Variants in AHCYL2 observed in about 807,000 individuals in gnomAD.
AHCYL2 encodes the protein S-adenosylhomocysteine hydrolase-like protein 2.
In AHCYL2, 28 loss-of-function variants were observed where a neutral mutation model predicts 81.4. The observed-to-expected ratio is 0.34, with a 90% CI of 0.25 to 0.47. The LOEUF (loss-of-function observed/expected upper bound fraction) is 0.47. Ranked by LOEUF, AHCYL2 falls within the 20% of genes least tolerant of loss-of-function variation. The pLI is 1.00. For synonymous variants in AHCYL2, 272 were observed against 290.2 expected (o/e 0.94, Z 0.64); for missense variants, 551 against 785.1 (o/e 0.70, Z 3.56).
At chr7:129,271,195 AC>A in intron 1 of AHCYL2, among the ~76,000 whole-genome samples, 1 of 151,912 alleles carries the variant, frequency 6.6e-6, no homozygotes, top group Middle Eastern at 3.4e-3. Context: ...TCCCGTTTCT[AC>A]TAAAAATACA....
At chr7:129,349,197 A>T (rs1299124568) in intron 1 of AHCYL2, among the ~76,000 whole-genome samples, 1 of 152,180 alleles carries the variant, frequency 6.6e-6, no homozygotes, top group Non-Finnish European at 1.5e-5. Context: ...TTTTGATTCT[A>T]TCTAGGTTTA....
intron 1 of AHCYL2, among the ~76,000 whole-genome samples, chr7:129,289,805 C>T (rs751223909): frequency 6.1e-5 from 9 of 148,704 alleles, no homozygotes; most frequent in South Asian, 2.1e-4. Flanking sequence ...TTTTTTGAGA[C>T]GGAGTCTTGC....
At chr7:129,298,952 A>G (rs1455501199) in intron 1 of AHCYL2, among the ~76,000 whole-genome samples, 1 of 152,158 alleles carries the variant, frequency 6.6e-6, no homozygotes, top group Non-Finnish European at 1.5e-5. Flanking sequence ...TTTGCAGGCT[A>G]TATGTTTTTT....
chr7:129,345,507 A>G (rs1793331166), intron 1 of AHCYL2, among the ~76,000 whole-genome samples: 1 of 152,166 alleles, frequency 6.6e-6, no homozygotes, highest in Non-Finnish European at 1.5e-5. Flanking sequence ...GGGCCCAAAC[A>G]TGGAATTAAT....
At chr7:129,403,243 G>T in intron 6 of AHCYL2, 136 bp from the exon 7 acceptor site, 1 of 506,110 alleles carries the variant, frequency 2.0e-6, no homozygotes, top group East Asian at 3.6e-5. Flanking sequence ...CTGGCTTTAA[G>T]TTACTTTGCA....
At chr7:129,258,384 A>G (rs1315815016) in intron 1 of AHCYL2, among the ~76,000 whole-genome samples, 1 of 149,506 alleles carries the variant, frequency 6.7e-6, no homozygotes, top group Non-Finnish European at 1.5e-5. Context: ...GGACTACATG[A>G]TATCCTTCTT....
At chr7:129,348,041 A>C (rs1036944366) in intron 1 of AHCYL2, among the ~76,000 whole-genome samples, 1 of 152,368 alleles carries the variant, frequency 6.6e-6, no homozygotes, top group South Asian at 2.1e-4. Context: ...TTAAAGATAC[A>C]TCTGGAAATT....
At chr7:129,246,891 AG>A (rs1795081701) in intron 1 of AHCYL2, among the ~76,000 whole-genome samples, 1 of 152,178 alleles carries the variant, frequency 6.6e-6, no homozygotes, top group Non-Finnish European at 1.5e-5. Flanking sequence ...TTCATGTAGT[AG>A]GTTCATTCAG....
At chr7:129,376,876 T>C (rs1794712560) in intron 1 of AHCYL2, among the ~76,000 whole-genome samples, 1 of 152,218 alleles carries the variant, frequency 6.6e-6, no homozygotes, top group African/African-American at 2.4e-5. Flanking sequence ...TTGAACAAGG[T>C]TGGTGAAACG....
intron 1 of AHCYL2, among the ~76,000 whole-genome samples, chr7:129,271,020 A>G (rs1408730833): frequency 6.6e-6 from 1 of 152,168 alleles, no homozygotes; most frequent in Non-Finnish European, 1.5e-5. Context: ...CTATAGGGAT[A>G]TCCTCAATCT....
intron 1 of AHCYL2, among the ~76,000 whole-genome samples, chr7:129,265,580 C>T (rs927961014): frequency 7.9e-5 from 12 of 151,992 alleles, no homozygotes; most frequent in Non-Finnish European, 1.3e-4. Flanking sequence ...CAAGGAGGCA[C>T]GTGCAGCTGG....
At chr7:129,362,597 GTTTTTTTTT>G (rs769346623) in intron 1 of AHCYL2, among the ~76,000 whole-genome samples, 1 of 63,630 alleles carries the variant, frequency 1.6e-5, no homozygotes, top group Non-Finnish European at 3.1e-5. Context: ...TGGTTTTCTT[GTTTTTTTTT>G]TTTTTTTTTT....
intron 1 of AHCYL2, among the ~76,000 whole-genome samples, chr7:129,301,743 A>G (rs976329015): frequency 1.3e-5 from 2 of 152,188 alleles, no homozygotes; most frequent in African/African-American, 4.8e-5. Flanking sequence ...TGCCAGTACC[A>G]TGCTGTTTTG....
At chr7:129,404,615 C>T (rs895799238) in intron 7 of AHCYL2, among the ~76,000 whole-genome samples, 1 of 152,182 alleles carries the variant, frequency 6.6e-6, no homozygotes, top group Non-Finnish European at 1.5e-5. Context: ...GCAGAGGTTG[C>T]AGTAAGCTGA....
chr7:129,234,256 T>TA (rs1794556118), intron 1 of AHCYL2, among the ~76,000 whole-genome samples: 1 of 152,060 alleles, frequency 6.6e-6, no homozygotes, highest in Non-Finnish European at 1.5e-5. Context: ...GGTCTCTTTT[T>TA]TCCCCCTAGA....
chr7:129,226,338 GTC>G (rs1403757352), intron 1 of AHCYL2, among the ~76,000 whole-genome samples: 2 of 152,172 alleles, frequency 1.3e-5, no homozygotes, highest in Admixed American at 6.5e-5. Flanking sequence ...ATAGTTGTCT[GTC>G]TCTCTCAAAG....
At chr7:129,260,033 G>A (rs1795567602) in intron 1 of AHCYL2, among the ~76,000 whole-genome samples, 1 of 149,980 alleles carries the variant, frequency 6.7e-6, no homozygotes, top group East Asian at 2.0e-4. Context: ...CCGAGATCAT[G>A]CCTTTGCCCT....
intron 1 of AHCYL2, among the ~76,000 whole-genome samples, chr7:129,336,715 G>A (rs1325894132): frequency 6.6e-6 from 1 of 152,090 alleles, no homozygotes; most frequent in Non-Finnish European, 1.5e-5. Context: ...GGGATAGAGA[G>A]ATGTTTAATT....
chr7:129,407,924 T>A (rs917012584), intron 10 of AHCYL2, among the ~76,000 whole-genome samples: 5 of 152,206 alleles, frequency 3.3e-5, no homozygotes, highest in Non-Finnish European at 5.9e-5. Context: ...GGTGTTTTCT[T>A]AGTTTGGAAG....
Sources: allele counts gnomAD v4.1 joint callset (sites outside exome capture counted in the v4.1 genomes callset), GRCh38; gene constraint gnomAD v4.1.1; transcripts MANE v1.5; gene names NCBI Gene and HGNC (gene_info 2026-07-23, HGNC 2026-07-21).